Variants in ENTREP2 observed in about 807,000 individuals in gnomAD.
ENTREP2 encodes endosomal transmembrane epsin interactor 2, also known as protein ENTREP2.
the ENTREP2 span, among the ~76,000 whole-genome samples, chr15:29,160,599 C>T: frequency 9.8e-4 from 148 of 150,962 alleles, 1 homozygote; most frequent in Non-Finnish European, 2.9e-4. Context: ...ATCCCAGCTA[C>T]TCAGGAGGCT....
At chr15:29,543,505 G>A in the ENTREP2 span, among the ~76,000 whole-genome samples, 2 of 151,110 alleles carry the variant, frequency 1.3e-5, no homozygotes, top group African/African-American at 4.9e-5. Context: ...AATTGGACAG[G>A]TGCAGTGGCT....
At chr15:29,145,548 G>A in the ENTREP2 span, among the ~76,000 whole-genome samples, 23 of 150,708 alleles carry the variant, frequency 1.5e-4, no homozygotes, top group Middle Eastern at 3.4e-3. Flanking sequence ...GCGTGAACCC[G>A]GGAGGCAGAG....
chr15:29,260,506 T>C, the ENTREP2 span, among the ~76,000 whole-genome samples: 1 of 152,066 alleles, frequency 6.6e-6, no homozygotes, highest in Non-Finnish European at 1.5e-5. Context: ...ATACACAACA[T>C]CAATACATTG....
the ENTREP2 span, among the ~76,000 whole-genome samples, chr15:29,438,995 T>C: frequency 3.3e-5 from 5 of 152,188 alleles, no homozygotes; most frequent in African/African-American, 1.2e-4. Context: ...TGAGTATCCA[T>C]GATGACTTCA....
chr15:29,634,802 G>A, the ENTREP2 span, among the ~76,000 whole-genome samples: 2,163 of 152,272 alleles, frequency 0.014, 55 homozygotes, highest in African/African-American at 0.05. Flanking sequence ...TAACTCAGGG[G>A]AACACTTAAC....
chr15:29,190,081 C>G, the ENTREP2 span, among the ~76,000 whole-genome samples: 1 of 152,194 alleles, frequency 6.6e-6, no homozygotes, highest in African/African-American at 2.4e-5. Context: ...CTGAGACACT[C>G]AGATGGTCCC....
At chr15:29,542,777 T>C in the ENTREP2 span, among the ~76,000 whole-genome samples, 1 of 152,216 alleles carries the variant, frequency 6.6e-6, no homozygotes, top group Non-Finnish European at 1.5e-5. Flanking sequence ...TTCCTGCTTC[T>C]ATGAGTCTGG....
At chr15:29,208,991 G>C in the ENTREP2 span, among the ~76,000 whole-genome samples, 679 of 152,284 alleles carry the variant, frequency 4.5e-3, no homozygotes, top group Middle Eastern at 0.01. Flanking sequence ...TGTGACATTA[G>C]AAGTTAGGAT....
the ENTREP2 span, among the ~76,000 whole-genome samples, chr15:29,606,024 TTTCA>T: frequency 6.6e-6 from 1 of 151,852 alleles, no homozygotes. Context: ...TCTGACTTGT[TTTCA>T]TTTTTATTTT....
At chr15:29,208,249 C>G in the ENTREP2 span, among the ~76,000 whole-genome samples, 20 of 150,710 alleles carry the variant, frequency 1.3e-4, no homozygotes, top group African/African-American at 4.9e-4. Flanking sequence ...TGGCACACAA[C>G]GTGAAACCTA....
At chr15:29,299,178 T>TA in the ENTREP2 span, among the ~76,000 whole-genome samples, 15 of 152,184 alleles carry the variant, frequency 9.9e-5, no homozygotes, top group African/African-American at 3.1e-4. Flanking sequence ...GTATTCATGT[T>TA]AAAAAAACTC....
the ENTREP2 span, among the ~76,000 whole-genome samples, chr15:29,493,842 T>G: frequency 5.3e-5 from 8 of 151,806 alleles, no homozygotes; most frequent in African/African-American, 1.7e-4. Flanking sequence ...GCCAGGGTGG[T>G]GGCTCACACC....
At chr15:29,296,671 T>C in the ENTREP2 span, among the ~76,000 whole-genome samples, 1 of 152,226 alleles carries the variant, frequency 6.6e-6, no homozygotes, top group Admixed American at 6.5e-5. Context: ...CCAGTAATCC[T>C]AGTTACAGTA....
chr15:29,339,528 G>T, the ENTREP2 span, among the ~76,000 whole-genome samples: 2 of 152,162 alleles, frequency 1.3e-5, no homozygotes, highest in South Asian at 4.1e-4. Context: ...CAGGCTCAGT[G>T]CTCTCTCTAC....
chr15:29,641,168 T>G, the ENTREP2 span, among the ~76,000 whole-genome samples: 1 of 152,208 alleles, frequency 6.6e-6, no homozygotes, highest in African/African-American at 2.4e-5. Context: ...GCAATAGAAG[T>G]TCCTAAGCCT....
At chr15:29,315,901 G>A in the ENTREP2 span, among the ~76,000 whole-genome samples, 26,207 of 150,540 alleles carry the variant, frequency 0.17, 2,832 homozygotes, top group Non-Finnish European at 0.25. Flanking sequence ...AATGTGCAAG[G>A]TAGGCACACG....
chr15:29,507,411 T>C, the ENTREP2 span, among the ~76,000 whole-genome samples: 2 of 152,186 alleles, frequency 1.3e-5, no homozygotes, highest in African/African-American at 2.4e-5. Flanking sequence ...GCAGACCTAA[T>C]AGACATCTAC....
At chr15:29,659,906 C>T in the ENTREP2 span, among the ~76,000 whole-genome samples, 2 of 151,974 alleles carry the variant, frequency 1.3e-5, no homozygotes, top group African/African-American at 4.8e-5. Context: ...TCAAGCAATT[C>T]TTGTGCCTCG....
At chr15:29,608,067 T>G in the ENTREP2 span, among the ~76,000 whole-genome samples, 1 of 152,046 alleles carries the variant, frequency 6.6e-6, no homozygotes, top group African/African-American at 2.4e-5. Context: ...CCTTTTCACG[T>G]TTTTCTGCCT....
Sources: gnomAD v4.1 joint callset for allele counts (sites outside exome capture counted in the v4.1 genomes callset) on GRCh38, gnomAD v4.1.1 for gene constraint, MANE v1.5 for transcripts, NCBI Gene and HGNC (gene_info 2026-07-23, HGNC 2026-07-21) for gene names.